The following ETV2 variants were observed in gnomAD, a reference collection of about 807,000 sequenced individuals.
The protein encoded by ETV2 is ETS variant transcription factor 2, also known as ETS translocation variant 2.
Under a neutral mutation model 35.7 loss-of-function variants are expected in ETV2, and 34 were observed. The observed-to-expected ratio is 0.95, with a 90% CI of 0.72 to 1.27. The LOEUF (loss-of-function observed/expected upper bound fraction) is 1.27. Ranked by LOEUF, ETV2 falls within the 50% of genes most tolerant of loss-of-function variation. The pLI is 0.00. For synonymous variants in ETV2, 207 were observed against 203.9 expected (o/e 1.02, Z -0.13); for missense variants, 512 against 470.5 (o/e 1.09, Z -0.82).
chr19:35,642,692 T>C lies in ETV2; in HGVS notation c.148T>C (p.Trp50Arg). 1.9e-6 allele frequency: 3 copies of C among 1,594,834 alleles called. No individual in the cohort carries two copies. Among genetic ancestry groups the C allele is most frequent in the Non-Finnish European group, 2.6e-6 (3 of 1,170,826 alleles). Residue 50 changes from tryptophan to arginine, a missense_variant, in exon 3 of 7, where the codon TGG (tryptophan) becomes CGG (arginine). By Grantham distance (101) the Trp-to-Arg change is moderately radical. Transcript: ENST00000402764. This position sits in a 1 kb window ranked among gnomAD's most constrained non-coding sequence, Gnocchi z 4.4. The part of the protein sequence containing the change: ...DTPTATAETC[W>R]KGTSSSLASF... ...GCCGACAGCGACAGCAGAGACATGC[T>C]GGAAAGGTGGCTGCGGGCTGGGACC...
chr19:35,642,850 C>T lies in ETV2; in HGVS notation c.155-115C>T. 1.0e-6 allele frequency: 1 copy of T among 961,688 alleles called. No homozygotes were observed. Among genetic ancestry groups the T allele is most frequent in the Non-Finnish European group, 1.6e-6 (1 of 616,282 alleles). The allele number at this position is 961,688 out of a possible 1,614,324, so 59.6% of individuals were successfully genotyped here. ...CCTGAGGGTGAAGGAAAAGGGGGCG[C>T]GGGGTGCTGAAATACGGGCTGGGGG... is the stretch of plus-strand genomic sequence containing the variant. On this transcript the variant is annotated intron_variant, in intron 3 of 6. Transcript: ENST00000402764. This position sits in a 1 kb window ranked among gnomAD's most constrained non-coding sequence, Gnocchi z 4.4.
chr19:35,644,336 G>A lies in ETV2; in HGVS notation c.817G>A (p.Asp273Asn), dbSNP rs929677115. The A allele has an allele frequency of 1.9e-6, 3 of 1,548,482 alleles. No homozygotes were observed. In the African/African-American group the frequency reaches 4.1e-5, roughly 21 times the overall value. The change falls in exon 6 of 7, where the codon GAC becomes AAC. Residue 273 changes from aspartate (D) to asparagine (N), a missense_variant. Transcript: ENST00000402764. The surrounding 1 kb of genome is among the most constrained non-coding windows in gnomAD (Gnocchi z 4.7). ...TGNSREFQLC[D>N]PKEVARLWGE... ...CAACAGCCGCGAGTTCCAGCTGTGCGACCCCAAAGAGGTGGGGCAGCTCCC... is the reference window on the plus strand; with the variant it reads ...CAACAGCCGCGAGTTCCAGCTGTGCAACCCCAAAGAGGTGGGGCAGCTCCC...
Position 35,644,639 on chromosome 19 carries a change from G to A in ETV2, c.829-13G>A, listed in dbSNP as rs1261331001. On this transcript the variant is annotated splice_polypyrimidine_tract_variant and intron_variant, in intron 6 of 6. Coordinates refer to ENST00000402764, the MANE Select transcript of ETV2 (RefSeq NM_014209.4). This position sits in a 1 kb window ranked among gnomAD's most constrained non-coding sequence, Gnocchi z 4.7. ...GCCCCTTCCCACTCCGACCGAGCGGGCCTCTGTCCTAGGTGGCTCGGCTGT... is the reference window on the plus strand; with the variant it reads ...GCCCCTTCCCACTCCGACCGAGCGGACCTCTGTCCTAGGTGGCTCGGCTGT... 2.5e-6 allele frequency: 4 copies of A among 1,602,540 alleles called. No individual in the cohort carries two copies. The highest frequency in any genetic ancestry group is 1.3e-5 in the African/African-American group (1 of 74,712).
chr19:35,643,602 G>A lies in ETV2; in HGVS notation c.564G>A (p.Pro188=). 6.2e-7 allele frequency: 1 copy of A among 1,605,004 alleles called. No homozygotes were observed. Among genetic ancestry groups the A allele is most frequent in the Non-Finnish European group, 8.5e-7 (1 of 1,176,300 alleles). ...CTISWGGPAG[P]DCTTSWNPGL... Reference sequence around the variant, plus strand: ...TTTCGTGGGGCGGGCCCGCGGGCCCGGACTGTACCACCTCCTGGAACCCGG... The same window carrying A: ...TTTCGTGGGGCGGGCCCGCGGGCCCAGACTGTACCACCTCCTGGAACCCGG... The change falls in exon 5 of 7, where the codon CCG becomes CCA. Residue 188 remains proline (P), a synonymous_variant. Coordinates refer to ENST00000402764, the MANE Select transcript of ETV2 (RefSeq NM_014209.4). The surrounding 1 kb of genome is among the most constrained non-coding windows in gnomAD (Gnocchi z 5.0).
rs148630931 is a variant in ETV2 at position 35,643,623 on chromosome 19, C to T, written c.585C>T (p.Asn195=). ...GCCCGGACTGTACCACCTCCTGGAA[C>T]CCGGGGCTGCATGCGGGTGGCACCA... is the stretch of plus-strand genomic sequence containing the variant. ...PAGPDCTTSW[N]PGLHAGGTTS... is the part of the protein sequence containing the mutation. Residue 195 remains asparagine (N), a synonymous_variant, in exon 5 of 7, where the codon AAC becomes AAT. Coordinates refer to ENST00000402764, the MANE Select transcript of ETV2 (RefSeq NM_014209.4). The surrounding 1 kb of genome is among the most constrained non-coding windows in gnomAD (Gnocchi z 5.0). 1.8e-5 allele frequency: 29 copies of T among 1,612,570 alleles called. No individual in the cohort carries two copies. Among genetic ancestry groups the T allele is most frequent in the Non-Finnish European group, 2.1e-5 (25 of 1,179,432 alleles).
Position 35,643,263 on chromosome 19 carries a change from A to T in ETV2, c.236-11A>T. 1 of 1,587,258 alleles carries T rather than the reference A, an allele frequency of 6.3e-7. No individual in the cohort carries two copies. The highest frequency in any genetic ancestry group is 8.5e-7 in the Non-Finnish European group (1 of 1,170,306). ...GGGCTCCCCTCACTCGGGATCCGTTACTCCTCACAGAGCCCGACTCTCAGG... is the reference window on the plus strand; with the variant it reads ...GGGCTCCCCTCACTCGGGATCCGTTTCTCCTCACAGAGCCCGACTCTCAGG... On this transcript the variant is annotated splice_polypyrimidine_tract_variant and intron_variant, in intron 4 of 6. Transcript: ENST00000402764. This position sits in a 1 kb window ranked among gnomAD's most constrained non-coding sequence, Gnocchi z 5.0.
In ETV2 at chr19:35,644,264, G is replaced by A. The variant is rs751946529; in HGVS notation, c.745G>A (p.Glu249Lys). Reference protein sequence around the residue: ...GPIQLWQFLLELLHDGARSSC... With the variant: ...GPIQLWQFLLKLLHDGARSSC... ...CATTCAGCTGTGGCAGTTCCTCCTGGAGCTGCTCCACGACGGGGCGCGTAG... is the reference window on the plus strand; with the variant it reads ...CATTCAGCTGTGGCAGTTCCTCCTGAAGCTGCTCCACGACGGGGCGCGTAG... The change falls in exon 6 of 7, where the codon GAG becomes AAG. Residue 249 changes from glutamate (E) to lysine (K), a missense_variant. Transcript: ENST00000402764. This position sits in a 1 kb window ranked among gnomAD's most constrained non-coding sequence, Gnocchi z 4.7. 5.8e-6 allele frequency: 9 copies of A among 1,562,786 alleles called. No individual in the cohort carries two copies. Among genetic ancestry groups the A allele is most frequent in the Non-Finnish European group, 6.1e-6 (7 of 1,153,186 alleles).
In ETV2 at chr19:35,642,934, T is replaced by A. The variant is rs755288383; in HGVS notation, c.155-31T>A. The A allele has an allele frequency of 3.6e-6, 5 of 1,405,730 alleles. No individual in the cohort carries two copies. In the African/African-American group the frequency reaches 4.3e-5, roughly 12 times the overall value. 87.1% of individuals were successfully genotyped at this position (1,405,730 alleles called of 1,614,324 possible). ...AGAGAGTGGGTAGTTGAGGGGTCTCTTTCATTGCTCACAGTCCTCCCTAAA... is the reference window on the plus strand; with the variant it reads ...AGAGAGTGGGTAGTTGAGGGGTCTCATTCATTGCTCACAGTCCTCCCTAAA... On this transcript the variant is annotated intron_variant, in intron 3 of 6. Transcript: ENST00000402764. The surrounding 1 kb of genome is among the most constrained non-coding windows in gnomAD (Gnocchi z 4.4).
rs765004679 is a variant in ETV2 at position 35,642,504 on chromosome 19, C to T, written c.44C>T (p.Pro15Leu). Residue 15 changes from proline to leucine, a missense_variant, in exon 2 of 7, where the codon CCT becomes CTT. Physicochemically the swap from Pro to Leu is moderately conservative, Grantham distance 98. Coordinates refer to ENST00000402764, the MANE Select transcript of ETV2 (RefSeq NM_014209.4). The surrounding 1 kb of genome is among the most constrained non-coding windows in gnomAD (Gnocchi z 4.4). The stretch of plus-strand genomic sequence containing the variant: ...GATGAGGCATCCCCACAGGAAGTGC[C>T]TCCAGGGAACAAGCTGGCAGGGCTT... ...NWDEASPQEVPPGNKLAGLEG... is the reference protein window; with the variant it reads ...NWDEASPQEVLPGNKLAGLEG... 2 of 1,612,566 alleles carry T rather than the reference C, an allele frequency of 1.2e-6. No individual in the cohort carries two copies. The highest frequency in any genetic ancestry group is 2.2e-5 in the East Asian group (1 of 44,880).
Position 35,643,586 on chromosome 19 carries a change from G to A in ETV2, c.548G>A (p.Gly183Asp). The A allele has an allele frequency of 6.3e-7, 1 of 1,586,800 alleles. No homozygotes were observed. The highest frequency in any genetic ancestry group is 1.1e-5 in the South Asian group (1 of 88,532). ...CGCACGGACTGTACCATTTCGTGGG[G>A]CGGGCCCGCGGGCCCGGACTGTACC... ...EPRTDCTISW[G>D]GPAGPDCTTS... is the part of the protein sequence containing the mutation. Residue 183 changes from glycine to aspartate, a missense_variant, in exon 5 of 7, where the codon GGC (glycine) becomes GAC (aspartate). Gly to Asp is a moderately conservative substitution (Grantham distance 94, BLOSUM62 -1). Transcript: ENST00000402764. The surrounding 1 kb of genome is among the most constrained non-coding windows in gnomAD (Gnocchi z 5.0).
chr19:35,642,936 T>C lies in ETV2; in HGVS notation c.155-29T>C. 1 of 1,416,766 alleles carries C rather than the reference T, an allele frequency of 7.1e-7. No homozygotes were observed. Among genetic ancestry groups the C allele is most frequent in the Non-Finnish European group, 9.8e-7 (1 of 1,022,410 alleles). 87.8% of individuals were successfully genotyped at this position (1,416,766 alleles called of 1,614,324 possible). ...AGAGTGGGTAGTTGAGGGGTCTCTT[T>C]CATTGCTCACAGTCCTCCCTAAACT... On this transcript the variant is annotated intron_variant, in intron 3 of 6. Coordinates refer to ENST00000402764, the MANE Select transcript of ETV2 (RefSeq NM_014209.4). The surrounding 1 kb of genome is among the most constrained non-coding windows in gnomAD (Gnocchi z 4.4).
chr19:35,644,253 A>G lies in ETV2; in HGVS notation c.734A>G (p.Gln245Arg). 1 of 1,561,200 alleles carries G rather than the reference A, an allele frequency of 6.4e-7. No homozygotes were observed. The change falls in exon 6 of 7, where the codon CAG becomes CGG. Residue 245 changes from glutamine to arginine, a missense_variant. Physicochemically the swap from Gln to Arg is conservative, Grantham distance 43. Transcript: ENST00000402764. This position sits in a 1 kb window ranked among gnomAD's most constrained non-coding sequence, Gnocchi z 4.7. ...CCCGCAGGTCCCATTCAGCTGTGGC[A>G]GTTCCTCCTGGAGCTGCTCCACGAC... is the stretch of plus-strand genomic sequence containing the variant. ...TNHRGPIQLW[Q>R]FLLELLHDGA...
In ETV2 at chr19:35,642,956, TA is replaced by T; in HGVS notation, c.155-6del. 6.5e-7 allele frequency: 1 copy of T among 1,545,320 alleles called. No individual in the cohort carries two copies. ...CTCTTTCATTGCTCACAGTCCTCCC[TA>T]AACTCAGGTACAAGCTCATCCCTGG... On this transcript the variant is annotated splice_region_variant and splice_polypyrimidine_tract_variant and intron_variant, in intron 3 of 6. Coordinates refer to ENST00000402764, the MANE Select transcript of ETV2 (RefSeq NM_014209.4). This position sits in a 1 kb window ranked among gnomAD's most constrained non-coding sequence, Gnocchi z 4.4.
Position 35,643,118 on chromosome 19 carries a change from C to T in ETV2, c.235+73C>T. Reference sequence around the variant, plus strand: ...CACCGGGGCTAGAGGTGTAGACTCCCTGATCTTTGAGGACTGAGAACACCT... The same window carrying T: ...CACCGGGGCTAGAGGTGTAGACTCCTTGATCTTTGAGGACTGAGAACACCT... On this transcript the variant is annotated intron_variant, in intron 4 of 6. Transcript: ENST00000402764. The surrounding 1 kb of genome is among the most constrained non-coding windows in gnomAD (Gnocchi z 5.0). 1 of 1,381,234 alleles carries T rather than the reference C, an allele frequency of 7.2e-7. No individual in the cohort carries two copies. Among genetic ancestry groups the T allele is most frequent in the South Asian group, 1.3e-5 (1 of 78,202 alleles). The allele number at this position is 1,381,234 out of a possible 1,614,324, so 85.6% of individuals were successfully genotyped here.
rs1423216693 is a variant in ETV2 at position 35,643,444 on chromosome 19, G to A, written c.406G>A (p.Ala136Thr). Residue 136 changes from alanine (A) to threonine (T), a missense_variant, in exon 5 of 7, where the codon GCG becomes ACG. Ala to Thr is a moderately conservative substitution (Grantham distance 58). Transcript: ENST00000402764. This position sits in a 1 kb window ranked among gnomAD's most constrained non-coding sequence, Gnocchi z 5.0. ...CGCGGGCCAGAACTGCGTCCCCGTG[G>A]CGGGAGAGGCCACCTCGTGGTCGCG... ...GAAGQNCVPV[A>T]GEATSWSRAQ... 6.5e-7 allele frequency: 1 copy of A among 1,546,566 alleles called. No individual in the cohort carries two copies. The highest frequency in any genetic ancestry group is 8.7e-7 in the Non-Finnish European group (1 of 1,145,566).
chr19:35,644,635 G>A lies in ETV2; in HGVS notation c.829-17G>A. On this transcript the variant is annotated splice_polypyrimidine_tract_variant and intron_variant, in intron 6 of 6. Coordinates refer to ENST00000402764, the MANE Select transcript of ETV2 (RefSeq NM_014209.4). The surrounding 1 kb of genome is among the most constrained non-coding windows in gnomAD (Gnocchi z 4.7). ...CCCCGCCCCTTCCCACTCCGACCGAGCGGGCCTCTGTCCTAGGTGGCTCGG... is the reference window on the plus strand; with the variant it reads ...CCCCGCCCCTTCCCACTCCGACCGAACGGGCCTCTGTCCTAGGTGGCTCGG... 6.2e-7 allele frequency: 1 copy of A among 1,601,228 alleles called. No individual in the cohort carries two copies.
chr19:35,644,434 G>A lies in ETV2; in HGVS notation c.828+87G>A, dbSNP rs1290180527. The A allele has an allele frequency of 1.7e-5, 17 of 1,010,910 alleles. No homozygotes were observed. Among genetic ancestry groups the A allele is most frequent in the East Asian group, 5.2e-5 (2 of 38,152 alleles). The allele number at this position is 1,010,910 out of a possible 1,614,324, so 62.6% of individuals were successfully genotyped here. On this transcript the variant is annotated intron_variant, in intron 6 of 6. Coordinates refer to ENST00000402764, the MANE Select transcript of ETV2 (RefSeq NM_014209.4). The surrounding 1 kb of genome is among the most constrained non-coding windows in gnomAD (Gnocchi z 4.7). ...CCCAAGGGCTAGGTTCAACCGCGTA[G>A]CCCTCGGCCCCGCCGCTCCCCGGCC... is the stretch of plus-strand genomic sequence containing the variant.
Position 35,643,117 on chromosome 19 carries a change from C to A in ETV2, c.235+72C>A. ...GCACCGGGGCTAGAGGTGTAGACTCCCTGATCTTTGAGGACTGAGAACACC... is the reference window on the plus strand; with the variant it reads ...GCACCGGGGCTAGAGGTGTAGACTCACTGATCTTTGAGGACTGAGAACACC... On this transcript the variant is annotated intron_variant, in intron 4 of 6. Transcript: ENST00000402764. This position sits in a 1 kb window ranked among gnomAD's most constrained non-coding sequence, Gnocchi z 5.0. 7.3e-7 allele frequency: 1 copy of A among 1,378,822 alleles called. No individual in the cohort carries two copies. The allele number at this position is 1,378,822 out of a possible 1,614,324, so 85.4% of individuals were successfully genotyped here.
In ETV2 at chr19:35,643,467, G is replaced by C; in HGVS notation, c.429G>C (p.Ser143=). The C allele has an allele frequency of 6.5e-7, 1 of 1,547,554 alleles. No individual in the cohort carries two copies. Among genetic ancestry groups the C allele is most frequent in the Non-Finnish European group, 8.7e-7 (1 of 1,145,882 alleles). ...VPVAGEATSW[S]RAQAAGSNTS... is the part of the protein sequence containing the mutation. ...TGGCGGGAGAGGCCACCTCGTGGTC[G>C]CGCGCCCAGGCCGCCGGGAGCAACA... Residue 143 remains serine, a synonymous_variant, in exon 5 of 7, where the codon TCG becomes TCC. Coordinates refer to ENST00000402764, the MANE Select transcript of ETV2 (RefSeq NM_014209.4). This position sits in a 1 kb window ranked among gnomAD's most constrained non-coding sequence, Gnocchi z 5.0.
Sources: gnomAD v4.1 joint callset for allele counts on GRCh38, gnomAD v4.1.1 for gene constraint, Gnocchi (gnomAD v3.1) non-coding constraint, MANE v1.5 for transcripts, NCBI Gene and HGNC (gene_info 2026-07-23, HGNC 2026-07-21) for gene names.